The following CNTNAP2 variants were observed in gnomAD, a reference collection of about 807,000 sequenced individuals.
The protein encoded by CNTNAP2 is contactin associated protein 2.
Under a neutral mutation model 155.2 loss-of-function variants are expected in CNTNAP2, and 98 were observed. The observed-to-expected ratio is 0.63, with a 90% CI of 0.54 to 0.75. CNTNAP2 has a LOEUF of 0.75. Ranked by LOEUF, CNTNAP2 falls within the 30% of genes least tolerant of loss-of-function variation. The pLI, the probability that CNTNAP2 is intolerant of heterozygous loss-of-function variation, is 0.00. For missense variants in CNTNAP2, 1,727 were observed against 1,688.1 expected (o/e 1.02, Z -0.40); for synonymous variants, 651 against 631.2 (o/e 1.03, Z -0.47).
intron 15 of CNTNAP2, among the ~76,000 whole-genome samples, chr7:148,095,122 C>T (rs1299213500): frequency 1.3e-5 from 2 of 152,214 alleles, no homozygotes; most frequent in Non-Finnish European, 2.9e-5. Flanking sequence ...AGCCTCTGAA[C>T]TTCCTCCGTC....
At chr7:147,728,856 T>A (rs1390694307) in intron 13 of CNTNAP2, among the ~76,000 whole-genome samples, 3 of 151,894 alleles carry the variant, frequency 2.0e-5, no homozygotes, top group African/African-American at 7.2e-5. Flanking sequence ...AATCAATTAC[T>A]TAAATCTGGT....
intron 3 of CNTNAP2, among the ~76,000 whole-genome samples, chr7:146,875,956 A>AC (rs1795418072): frequency 1.4e-5 from 2 of 143,758 alleles, no homozygotes; most frequent in African/African-American, 2.8e-5. Flanking sequence ...AAAAAAAAAA[A>AC]AAAAACAAAA....
chr7:147,780,376 A>G (rs1797645149), intron 13 of CNTNAP2, among the ~76,000 whole-genome samples: 1 of 152,258 alleles, frequency 6.6e-6, no homozygotes, highest in African/African-American at 2.4e-5. Flanking sequence ...TACATTAACA[A>G]ACCAATTGTT....
intron 2 of CNTNAP2, among the ~76,000 whole-genome samples, chr7:146,834,072 C>G (rs1803568104): frequency 6.6e-6 from 1 of 151,946 alleles, no homozygotes; most frequent in Non-Finnish European, 1.5e-5. Context: ...TAGTTCTAAC[C>G]CTAATTGAAT....
intron 17 of CNTNAP2, among the ~76,000 whole-genome samples, chr7:148,154,514 T>C (rs551287510): frequency 2.0e-5 from 3 of 152,298 alleles, no homozygotes; most frequent in Admixed American, 2.0e-4. Context: ...TGCAGTATCA[T>C]TGAGAGACCA....
chr7:148,222,541 TCG>T (rs1491509398), intron 19 of CNTNAP2, among the ~76,000 whole-genome samples: 6 of 151,772 alleles, frequency 4.0e-5, no homozygotes, highest in African/African-American at 1.2e-4. Flanking sequence ...ATTCCATGAA[TCG>T]ATGAATGGAT....
chr7:147,735,857 T>G (rs1417561263), intron 13 of CNTNAP2, among the ~76,000 whole-genome samples: 1 of 151,724 alleles, frequency 6.6e-6, no homozygotes. Flanking sequence ...CTGCCTTTTT[T>G]TGTTTTCCAT....
chr7:146,336,868 A>G (rs1182657989), intron 1 of CNTNAP2, among the ~76,000 whole-genome samples: 1 of 152,162 alleles, frequency 6.6e-6, no homozygotes, highest in East Asian at 1.9e-4. Flanking sequence ...TAAGGTCACA[A>G]CCTTCTTGAA....
intron 1 of CNTNAP2, among the ~76,000 whole-genome samples, chr7:146,190,181 T>C (rs554088246): frequency 4.6e-5 from 7 of 152,224 alleles, no homozygotes; most frequent in Non-Finnish European, 8.8e-5. Flanking sequence ...ATTAGGAGAC[T>C]GAACATTCAT....
intron 2 of CNTNAP2, among the ~76,000 whole-genome samples, chr7:146,823,629 T>A (rs772525146): frequency 6.7e-6 from 1 of 150,106 alleles, no homozygotes; most frequent in Non-Finnish European, 1.5e-5. Flanking sequence ...TATATTTACA[T>A]GGAAATATAC....
chr7:146,286,856 A>G (rs963356298), intron 1 of CNTNAP2, among the ~76,000 whole-genome samples: 2 of 152,156 alleles, frequency 1.3e-5, no homozygotes, highest in Non-Finnish European at 2.9e-5. Flanking sequence ...CTGTAATACC[A>G]GGACTTTGTG....
At chr7:148,241,577 G>A (rs916575720) in intron 20 of CNTNAP2, among the ~76,000 whole-genome samples, 1 of 152,188 alleles carries the variant, frequency 6.6e-6, no homozygotes, top group African/African-American at 2.4e-5. Context: ...AGGAAAGAGT[G>A]GATCAGAGCA....
intron 1 of CNTNAP2, among the ~76,000 whole-genome samples, chr7:146,334,228 G>A (rs1029623617): frequency 4.6e-5 from 7 of 152,070 alleles, no homozygotes; most frequent in Admixed American, 3.9e-4. Context: ...TCAGGAGATC[G>A]AGACCATCCT....
chr7:147,352,877 T>TA (rs974473160), intron 9 of CNTNAP2, among the ~76,000 whole-genome samples: 18 of 151,918 alleles, frequency 1.2e-4, no homozygotes, highest in African/African-American at 3.9e-4. Flanking sequence ...CACAGCTTGA[T>TA]ACGATAGATG....
At chr7:146,560,524 G>A (rs1205281915) in intron 1 of CNTNAP2, among the ~76,000 whole-genome samples, 1 of 151,784 alleles carries the variant, frequency 6.6e-6, no homozygotes, top group Non-Finnish European at 1.5e-5. Context: ...TTTCATACAT[G>A]GCTAATTATT....
At chr7:146,965,348 G>C (rs1284911540) in intron 3 of CNTNAP2, among the ~76,000 whole-genome samples, 1 of 152,042 alleles carries the variant, frequency 6.6e-6, no homozygotes, top group African/African-American at 2.4e-5. Context: ...TCATATCACT[G>C]TCTTATAGAG....
intron 2 of CNTNAP2, among the ~76,000 whole-genome samples, chr7:146,821,103 C>T (rs1803272496): frequency 6.6e-6 from 1 of 152,224 alleles, no homozygotes; most frequent in East Asian, 1.9e-4. Flanking sequence ...ACTGATGGGT[C>T]TTGACTCTTT....
chr7:146,124,372 C>A (rs1288253111), intron 1 of CNTNAP2, among the ~76,000 whole-genome samples: 1 of 152,064 alleles, frequency 6.6e-6, no homozygotes, highest in Non-Finnish European at 1.5e-5. Flanking sequence ...GCAGTCACCT[C>A]TTAATGGGAA....
intron 3 of CNTNAP2, among the ~76,000 whole-genome samples, chr7:146,852,479 C>T (rs985177120): frequency 1.4e-4 from 22 of 152,242 alleles, no homozygotes; most frequent in Non-Finnish European, 3.1e-4. Context: ...TCTCCCACCC[C>T]GTCCCCAAAG....
Sources: gnomAD v4.1 joint callset for allele counts (sites outside exome capture counted in the v4.1 genomes callset) on GRCh38, gnomAD v4.1.1 for gene constraint, MANE v1.5 for transcripts, NCBI Gene and HGNC (gene_info 2026-07-23, HGNC 2026-07-21) for gene names.